Variants in QTMAN observed in about 807,000 individuals in gnomAD.
The protein encoded by QTMAN is tRNA-queuosine alpha-mannosyltransferase.
the QTMAN span, among the ~76,000 whole-genome samples, chr2:144,143,701 T>G: frequency 1.3e-5 from 2 of 151,954 alleles, no homozygotes; most frequent in African/African-American, 4.8e-5. Context: ...AAGGATGTTT[T>G]ACAGCTAGTC....
At chr2:144,013,922 A>G in the QTMAN span, among the ~76,000 whole-genome samples, 1 of 152,218 alleles carries the variant, frequency 6.6e-6, no homozygotes, top group Admixed American at 6.5e-5. Context: ...TATATCACTT[A>G]TATGATGAGC....
chr2:144,109,555 T>G, the QTMAN span, among the ~76,000 whole-genome samples: 1 of 152,082 alleles, frequency 6.6e-6, no homozygotes, highest in Admixed American at 6.5e-5. Context: ...TGGGATCTAA[T>G]TAAACTAAAG....
the QTMAN span, among the ~76,000 whole-genome samples, chr2:144,307,188 T>A: frequency 0.037 from 2,870 of 77,568 alleles, no homozygotes; most frequent in Non-Finnish European, 0.042. Context: ...AAAAAACAAT[T>A]AAAAAAAAAA....
the QTMAN span, among the ~76,000 whole-genome samples, chr2:144,192,604 A>G: frequency 1.3e-5 from 2 of 152,220 alleles, no homozygotes; most frequent in Non-Finnish European, 2.9e-5. Flanking sequence ...AAAGAAATAA[A>G]AAGGAAAATT....
At chr2:144,273,858 G>A in the QTMAN span, among the ~76,000 whole-genome samples, 11 of 152,150 alleles carry the variant, frequency 7.2e-5, no homozygotes, top group African/African-American at 2.2e-4. Context: ...ATATATGGCC[G>A]GGCGCGGTGG....
chr2:144,182,809 A>T, the QTMAN span, among the ~76,000 whole-genome samples: 2 of 2,502 alleles, frequency 8.0e-4, no homozygotes, highest in African/African-American at 1.0e-3. Flanking sequence ...TATATATATA[A>T]TATATATATT....
chr2:144,314,728 T>G, the QTMAN span, among the ~76,000 whole-genome samples: 1 of 151,978 alleles, frequency 6.6e-6, no homozygotes, highest in Admixed American at 6.6e-5. Flanking sequence ...AATAAATAAA[T>G]AGAAACAGTG....
At chr2:143,952,273 C>G in the QTMAN span, among the ~76,000 whole-genome samples, 1 of 151,594 alleles carries the variant, frequency 6.6e-6, no homozygotes, top group African/African-American at 2.4e-5. Context: ...GCTGTTTAGA[C>G]ATCTCCTTTG....
the QTMAN span, among the ~76,000 whole-genome samples, chr2:144,187,760 G>A: frequency 2.6e-5 from 4 of 152,148 alleles, no homozygotes; most frequent in African/African-American, 9.7e-5. Flanking sequence ...TGATGATGTA[G>A]TGGGTTGAAA....
chr2:144,125,702 A>T, the QTMAN span, among the ~76,000 whole-genome samples: 2 of 152,128 alleles, frequency 1.3e-5, no homozygotes, highest in Non-Finnish European at 2.9e-5. Context: ...TCAGCATAAC[A>T]TATTTAGAAA....
At chr2:144,058,678 T>C in the QTMAN span, among the ~76,000 whole-genome samples, 3 of 150,684 alleles carry the variant, frequency 2.0e-5, no homozygotes, top group South Asian at 2.1e-4. Context: ...TCCAACAGGA[T>C]ATATCCAGGG....
chr2:143,970,864 C>G, the QTMAN span: 1 of 682,038 alleles, frequency 1.5e-6, no homozygotes, highest in East Asian at 2.6e-5. Context: ...TGGTCTACTG[C>G]TGGTTGGGGA....
the QTMAN span, among the ~76,000 whole-genome samples, chr2:144,331,069 G>A: frequency 6.6e-6 from 1 of 152,086 alleles, no homozygotes; most frequent in African/African-American, 2.4e-5. Context: ...TTGTTTTCAA[G>A]CATGTCAAAG....
chr2:144,272,941 A>G, the QTMAN span, among the ~76,000 whole-genome samples: 1 of 152,210 alleles, frequency 6.6e-6, no homozygotes, highest in East Asian at 1.9e-4. Flanking sequence ...AATATGATCA[A>G]TTCAAAGATC....
At chr2:144,175,268 A>G in the QTMAN span, among the ~76,000 whole-genome samples, 4 of 152,220 alleles carry the variant, frequency 2.6e-5, no homozygotes, top group African/African-American at 9.6e-5. Flanking sequence ...ATTAGATAGA[A>G]CTAATAGATA....
chr2:144,288,774 A>G, the QTMAN span, among the ~76,000 whole-genome samples: 2 of 152,190 alleles, frequency 1.3e-5, no homozygotes, highest in Non-Finnish European at 2.9e-5. Flanking sequence ...TGTTCTATGA[A>G]GAATTTGAGT....
the QTMAN span, among the ~76,000 whole-genome samples, chr2:144,305,765 T>A: frequency 2.6e-5 from 4 of 152,242 alleles, no homozygotes; most frequent in Admixed American, 6.5e-5. Flanking sequence ...TCAATAATTT[T>A]TGGTAGGTTT....
the QTMAN span, among the ~76,000 whole-genome samples, chr2:144,105,711 C>A: frequency 6.6e-5 from 10 of 152,290 alleles, 1 homozygote; most frequent in Middle Eastern, 0.01. Flanking sequence ...CTTCCCCAAT[C>A]TAGCAAGACA....
At chr2:144,005,370 C>A in the QTMAN span, among the ~76,000 whole-genome samples, 2 of 152,008 alleles carry the variant, frequency 1.3e-5, no homozygotes, top group East Asian at 1.9e-4. Context: ...GTGTGTCAGG[C>A]GGGAACCTGC....
Sources: allele counts gnomAD v4.1 joint callset (sites outside exome capture counted in the v4.1 genomes callset), GRCh38; gene constraint gnomAD v4.1.1; transcripts MANE v1.5; gene names NCBI Gene and HGNC (gene_info 2026-07-23, HGNC 2026-07-21).